FBXW4: variants seen among roughly 807,000 people sequenced by gnomAD.
The protein encoded by FBXW4 is F-box and WD repeat domain containing 4.
FBXW4 carries 40 observed loss-of-function variants against 61.8 expected under a neutral mutation model. That is an observed-to-expected ratio of 0.65 (90% CI 0.50 to 0.84). The LOEUF (loss-of-function observed/expected upper bound fraction) is 0.84, where lower values mean the gene tolerates loss of function less well. Ranked by LOEUF, FBXW4 falls within the 40% of genes least tolerant of loss-of-function variation. The pLI is 0.00. For missense variants in FBXW4, 672 were observed against 753.8 expected (o/e 0.89, Z 1.27); for synonymous variants, 311 against 313.8 (o/e 0.99, Z 0.10).
At chr10:101,621,493 A>G (rs2063866617) in intron 6 of FBXW4, among the ~76,000 whole-genome samples, 1 of 152,120 alleles carries the variant, frequency 6.6e-6, no homozygotes, top group Non-Finnish European at 1.5e-5. Flanking sequence ...ATGCCACTGC[A>G]CTCCAGCCTG....
intron 5 of FBXW4, among the ~76,000 whole-genome samples, chr10:101,664,684 C>T (rs983294780): frequency 1.3e-5 from 2 of 152,192 alleles, no homozygotes; most frequent in Non-Finnish European, 2.9e-5. Context: ...ACAGACTTGA[C>T]AGCAGTTGAA....
At chr10:101,613,736 G>C (rs150670406) in intron 6 of FBXW4, among the ~76,000 whole-genome samples, 244 of 152,336 alleles carry the variant, frequency 1.6e-3, no homozygotes, top group African/African-American at 5.7e-3. Context: ...GGAGGAGACT[G>C]GGGGTTCCTT....
intron 5 of FBXW4, among the ~76,000 whole-genome samples, chr10:101,662,633 G>A (rs2134877539): frequency 6.6e-6 from 1 of 152,310 alleles, no homozygotes; most frequent in Admixed American, 6.5e-5. Context: ...TCACACGATA[G>A]CAAGTGTCCT....
intron 6 of FBXW4, chr10:101,622,985 A>C (rs552082420): frequency 6.6e-6 from 1 of 152,366 alleles, no homozygotes; most frequent in South Asian, 2.1e-4. Flanking sequence ...CAGCAGGCAA[A>C]AGACATGAAC....
intron 5 of FBXW4, among the ~76,000 whole-genome samples, chr10:101,640,115 G>C (rs941366453): frequency 6.6e-6 from 1 of 152,174 alleles, no homozygotes; most frequent in African/African-American, 2.4e-5. Context: ...ATTAATACCT[G>C]GTAGGTCTTC....
intron 5 of FBXW4, among the ~76,000 whole-genome samples, chr10:101,629,721 C>A (rs990273736): frequency 6.6e-6 from 1 of 151,778 alleles, no homozygotes; most frequent in African/African-American, 2.4e-5. Context: ...TATTATACCA[C>A]CCCTCGCCCA....
chr10:101,622,198 A>T (rs1463828912), intron 6 of FBXW4, among the ~76,000 whole-genome samples: 1 of 151,362 alleles, frequency 6.6e-6, no homozygotes, highest in African/African-American at 2.4e-5. Flanking sequence ...TCCTACAGAG[A>T]TGGAGAAAAA....
rs570902869 is a variant in FBXW4 at position 101,620,824 on chromosome 10, A to G, written c.1301+3921T>C. On this transcript the variant is annotated intron_variant, in intron 6 of 8. Transcript: ENST00000331272. ...CTCATTAGAGTCCATTCTGGTTTCA[A>G]TAAAGACCCAGTGTTTGGGGTTAAT... is the stretch of plus-strand genomic sequence containing the variant. Among the ~76,000 whole-genome samples the G allele has an allele frequency of 3.9e-5, 6 of 152,288 alleles. No homozygotes were observed. In the South Asian group the frequency reaches 1.2e-3, roughly 32 times the overall value.
At chr10:101,680,818 G>A (rs956717164) in intron 1 of FBXW4, among the ~76,000 whole-genome samples, 1 of 152,110 alleles carries the variant, frequency 6.6e-6, no homozygotes, top group Admixed American at 6.5e-5. Flanking sequence ...TTTGAGCACT[G>A]TATCATGAAG....
rs533192877 is a variant in FBXW4, at chr10:101,692,218, T to C, written c.725+2163A>G. Among the ~76,000 whole-genome samples the C allele has an allele frequency of 2.0e-5, 3 of 151,770 alleles. No individual in the cohort carries two copies. In the East Asian group the frequency reaches 5.8e-4, roughly 29 times the overall value. ...AACAATATTTAAAATAGTATGGAAA[T>C]GGAAAACTGTATCAGTGACACACAA... On this transcript the variant is annotated intron_variant, in intron 1 of 8. Coordinates refer to ENST00000331272, the MANE Select transcript of FBXW4 (RefSeq NM_022039.4).
chr10:101,622,614 G>T (rs1393516398), intron 6 of FBXW4, among the ~76,000 whole-genome samples: 2 of 150,922 alleles, frequency 1.3e-5, no homozygotes, highest in African/African-American at 4.9e-5. Context: ...TGTAGTCCCA[G>T]CTACTTGGGA....
intron 6 of FBXW4, among the ~76,000 whole-genome samples, chr10:101,624,279 A>C (rs551318509): frequency 2.6e-5 from 4 of 152,226 alleles, no homozygotes; most frequent in Non-Finnish European, 4.4e-5. Context: ...TTAAAAAAAA[A>C]AAAAAAACCA....
At chr10:101,684,011 T>C (rs945399098) in intron 1 of FBXW4, among the ~76,000 whole-genome samples, 1 of 152,210 alleles carries the variant, frequency 6.6e-6, no homozygotes, top group Admixed American at 6.5e-5. Context: ...TCACCCAGGC[T>C]GGAGTGCAGT....
rs1400356163 is a variant in FBXW4 at position 101,673,013 on chromosome 10, T to C, written c.1042A>G (p.Thr348Ala). 1 of 1,613,938 alleles carries C rather than the reference T, an allele frequency of 6.2e-7. No individual in the cohort carries two copies. Reference sequence around the variant, plus strand: ...TGAGCCGAGTACTTGACAGTGAAGGTGCTGTGAATCTTATGAATGCCAATC... The same window carrying C: ...TGAGCCGAGTACTTGACAGTGAAGGCGCTGTGAATCTTATGAATGCCAATC... ...GKIGIHKIHS[T>A]FTVKYSAHEQ... Residue 348 changes from threonine to alanine, a missense_variant, in exon 4 of 9, where the codon ACC becomes GCC. Thr to Ala is a moderately conservative substitution (Grantham distance 58). Coordinates refer to ENST00000331272, the MANE Select transcript of FBXW4 (RefSeq NM_022039.4).
rs182018741 is a variant in FBXW4, at chr10:101,631,870, A to G, written c.1236-7060T>C. 6.7e-3 allele frequency among the ~76,000 whole-genome samples: 1,025 copies of G among 152,160 alleles called. 21 individuals are homozygous for G. The South Asian group carries it at 0.073, about 11-fold the overall frequency. Reference sequence around the variant, plus strand: ...TCTTGATCTCCTGACCTTGTGATCCACCCACCTTGGCCTCCCAAAGTGCTG... The same window carrying G: ...TCTTGATCTCCTGACCTTGTGATCCGCCCACCTTGGCCTCCCAAAGTGCTG... On this transcript the variant is annotated intron_variant, in intron 5 of 8. Coordinates refer to ENST00000331272, the MANE Select transcript of FBXW4 (RefSeq NM_022039.4).
intron 5 of FBXW4, among the ~76,000 whole-genome samples, chr10:101,639,096 T>G (rs2064028705): frequency 6.6e-6 from 1 of 152,214 alleles, no homozygotes; most frequent in African/African-American, 2.4e-5. Flanking sequence ...CCCTGCAGTT[T>G]AATCCCAAAT....
intron 6 of FBXW4, among the ~76,000 whole-genome samples, chr10:101,621,990 T>C (rs1049249030): frequency 5.3e-5 from 8 of 152,122 alleles, no homozygotes; most frequent in Non-Finnish European, 1.2e-4. Flanking sequence ...CTCACAGAGC[T>C]ACCAAAAGAC....
chr10:101,644,456 C>G (rs2064079624), intron 5 of FBXW4, among the ~76,000 whole-genome samples: 1 of 152,208 alleles, frequency 6.6e-6, no homozygotes, highest in Admixed American at 6.5e-5. Context: ...CTTAGCACCA[C>G]AGCCCTGCAT....
intron 1 of FBXW4, among the ~76,000 whole-genome samples, chr10:101,686,460 T>C (rs1172920909): frequency 6.6e-6 from 1 of 151,940 alleles, no homozygotes; most frequent in Non-Finnish European, 1.5e-5. Context: ...TTTCTAAAAA[T>C]GAACAATGGC....
Sources: allele counts gnomAD v4.1 joint callset (sites outside exome capture counted in the v4.1 genomes callset), GRCh38; gene constraint gnomAD v4.1.1; transcripts MANE v1.5; gene names NCBI Gene and HGNC (gene_info 2026-07-23, HGNC 2026-07-21).